Variants in FAM184A observed in about 807,000 individuals in gnomAD.
FAM184A encodes the protein family with sequence similarity 184 member A, also known as protein FAM184A.
Under a neutral mutation model 143.8 loss-of-function variants are expected in FAM184A, and 99 were observed. The ratio of observed to expected loss-of-function variants is 0.69; its 90% CI spans 0.58 to 0.81. The LOEUF (loss-of-function observed/expected upper bound fraction) is 0.81, where lower values mean the gene tolerates loss of function less well. Ranked by LOEUF, FAM184A falls within the 40% of genes least tolerant of loss-of-function variation. The pLI is 0.00. For missense variants in FAM184A, 1,217 were observed against 1,310.5 expected, an observed-to-expected ratio of 0.93 and a Z score of 1.10; for synonymous variants, 427 against 446.4, an observed-to-expected ratio of 0.96 and a Z score of 0.55.
At chr6:118,989,600 TAA>T (rs1422091020) in intron 9 of FAM184A, among the ~76,000 whole-genome samples, 1 of 151,866 alleles carries the variant, frequency 6.6e-6, no homozygotes, top group Non-Finnish European at 1.5e-5. Context: ...AAATATGAGA[TAA>T]AAAGATTAAT....
chr6:119,078,991 G>T (rs1364380260), upstream of FAM184A: 1 of 152,070 alleles, frequency 6.6e-6, no homozygotes, highest in African/African-American at 2.4e-5. This position sits in a 1 kb window ranked among gnomAD's most constrained non-coding sequence, Gnocchi z 5.5. Flanking sequence ...CCAAGAAGAC[G>T]GTGCTGTAAT....
At chr6:119,049,415 C>T (rs1372612488) in intron 1 of FAM184A, among the ~76,000 whole-genome samples, 1 of 151,960 alleles carries the variant, frequency 6.6e-6, no homozygotes, top group African/African-American at 2.4e-5. Flanking sequence ...GCCATTGCAC[C>T]CCAGCCTGGG....
At chr6:119,067,660 G>A (rs1337903031) in intron 1 of FAM184A, among the ~76,000 whole-genome samples, 2 of 152,196 alleles carry the variant, frequency 1.3e-5, no homozygotes, top group Non-Finnish European at 2.9e-5. Flanking sequence ...TGAAAATGTT[G>A]TGACCAGAGG....
chr6:118,981,712 G>A (rs1784031250), intron 9 of FAM184A, among the ~76,000 whole-genome samples: 1 of 152,184 alleles, frequency 6.6e-6, no homozygotes, highest in African/African-American at 2.4e-5. Context: ...TTAGGGTGAT[G>A]ATTAGCCTTC....
chr6:119,090,284 A>G (rs1788333443), intron 1 of FAM184A, among the ~76,000 whole-genome samples: 1 of 152,240 alleles, frequency 6.6e-6, no homozygotes, highest in Admixed American at 6.5e-5. Flanking sequence ...AGCAAAGACG[A>G]AAGGCTAACA....
chr6:119,044,560 G>T (rs1482002120), intron 1 of FAM184A, among the ~76,000 whole-genome samples: 1 of 151,260 alleles, frequency 6.6e-6, no homozygotes, highest in African/African-American at 2.4e-5. Context: ...TTCAGCCTGG[G>T]TAACAAAGCG....
chr6:118,991,612 GA>G (rs1784378752), intron 9 of FAM184A, among the ~76,000 whole-genome samples: 1 of 152,098 alleles, frequency 6.6e-6, no homozygotes, highest in African/African-American at 2.4e-5. Flanking sequence ...TGGGAGCGGA[GA>G]AAGGGTTAGT....
At chr6:118,966,677 T>C (rs1265128997) in intron 15 of FAM184A, among the ~76,000 whole-genome samples, 158 bp downstream of exon 15, 1 of 152,212 alleles carries the variant, frequency 6.6e-6, no homozygotes, top group African/African-American at 2.4e-5. Flanking sequence ...TTTTAAAAAT[T>C]ACTTTATTCA....
chr6:119,065,077 T>C (rs1787393846), intron 1 of FAM184A, among the ~76,000 whole-genome samples: 1 of 152,178 alleles, frequency 6.6e-6, no homozygotes, highest in Non-Finnish European at 1.5e-5. Context: ...CCCCTAGTGA[T>C]CTCTATCTCC....
chr6:119,044,293 C>T (rs554262120), intron 1 of FAM184A, among the ~76,000 whole-genome samples: 5 of 152,192 alleles, frequency 3.3e-5, no homozygotes, highest in South Asian at 4.2e-4. Context: ...AAAAACTATT[C>T]GAGCTAATAA....
At chr6:119,062,081 A>G (rs1787279957) in intron 1 of FAM184A, among the ~76,000 whole-genome samples, 2 of 152,248 alleles carry the variant, frequency 1.3e-5, no homozygotes, top group East Asian at 1.9e-4. Context: ...AACACAGCCA[A>G]CTAGATTTTA....
intron 1 of FAM184A, among the ~76,000 whole-genome samples, chr6:119,129,644 T>C (rs1321603377): frequency 6.6e-6 from 1 of 151,370 alleles, no homozygotes; most frequent in Non-Finnish European, 1.5e-5. Flanking sequence ...TTTCTAGGGG[T>C]TCTCAAAGTG....
intron 1 of FAM184A, among the ~76,000 whole-genome samples, chr6:119,057,498 G>T (rs1787027296): frequency 6.6e-6 from 1 of 152,186 alleles, no homozygotes; most frequent in African/African-American, 2.4e-5. Context: ...CAACACTTTG[G>T]GAGGCCAAGA....
rs79428978 is a variant in FAM184A, at chr6:119,115,601, A to G, written c.-202+33477T>C. 9.2e-3 allele frequency among the ~76,000 whole-genome samples: 1,397 copies of G among 152,326 alleles called. 21 individuals are homozygous for G. The highest frequency in any genetic ancestry group is 0.033 in the African/African-American group (1,358 of 41,570). On this transcript the variant is annotated intron_variant, in intron 1 of 16. Transcript: ENST00000352896. ...ATCAAGAAGTTATGAAAGGTTTGTT[A>G]CTTACATAATGAGGCTTTCTGAGTA...
At position 119,102,451 on chromosome 6, in the gene FAM184A, G is replaced by A. The variant is rs191102239; in HGVS notation, c.-202+46627C>T. On this transcript the variant is annotated intron_variant, in intron 1 of 16. Transcript: ENST00000352896. ...AGTAAATAAGCTTCAGTATGTATCA[G>A]GAAAGCAGAGAGCTATTACCAGCAG... is the stretch of plus-strand genomic sequence containing the variant. Among the ~76,000 whole-genome samples the A allele has an allele frequency of 2.9e-4, 44 of 152,154 alleles. No homozygotes were observed. The East Asian group carries it at 7.2e-3, about 25-fold the overall frequency.
intron 1 of FAM184A, among the ~76,000 whole-genome samples, chr6:119,025,032 A>G (rs1005795445): frequency 5.9e-5 from 9 of 152,218 alleles, no homozygotes; most frequent in Admixed American, 2.0e-4. Context: ...GTATTTAAAG[A>G]CTTTTTAGTT....
At chr6:118,969,093 TG>T (rs1480080198) in intron 14 of FAM184A, among the ~76,000 whole-genome samples, 1 of 152,144 alleles carries the variant, frequency 6.6e-6, no homozygotes, top group African/African-American at 2.4e-5. Flanking sequence ...AAAGATCTGA[TG>T]GTTTTATAAG....
chr6:119,025,295 T>C (rs1785592566), intron 1 of FAM184A, among the ~76,000 whole-genome samples: 1 of 152,162 alleles, frequency 6.6e-6, no homozygotes, highest in South Asian at 2.1e-4. Context: ...CCAAAAGCCT[T>C]TTATCTTTGT....
At chr6:118,968,318 T>TTGTGTTGGGCCACATTCAAAGC (rs1284605596) in intron 14 of FAM184A, among the ~76,000 whole-genome samples, 1 of 152,246 alleles carries the variant, frequency 6.6e-6, no homozygotes, top group African/African-American at 2.4e-5. Flanking sequence ...GTTTACGAAT[T>TTGTGTTGGGCCACATTCAAAGC]TGTGTTGGGC....
Sources: allele counts gnomAD v4.1 joint callset (sites outside exome capture counted in the v4.1 genomes callset), GRCh38; gene constraint gnomAD v4.1.1; non-coding constraint Gnocchi (gnomAD v3.1); transcripts MANE v1.5; gene names NCBI Gene and HGNC (gene_info 2026-07-23, HGNC 2026-07-21).